The following CABLES1 variants were observed in gnomAD, a reference collection of about 807,000 sequenced individuals.
The protein encoded by CABLES1 is Cdk5 and Abl enzyme substrate 1.
A neutral mutation model predicts 57.8 loss-of-function variants in CABLES1; 36 were observed. The ratio of observed to expected loss-of-function variants is 0.62; its 90% confidence interval spans 0.48 to 0.82. CABLES1 has a LOEUF of 0.82. Among genes scored for constraint, CABLES1 ranks in the 40% least tolerant of loss-of-function variants. CABLES1 has a pLI of 0.00. For missense variants in CABLES1, 767 were observed against 836.6 expected, an observed-to-expected ratio of 0.92 and a Z score of 1.03; for synonymous variants, 374 against 363.0, an observed-to-expected ratio of 1.03 and a Z score of -0.35.
Position 23,162,987 on chromosome 18 carries a change from G to C in CABLES1, c.846-25851G>C, listed in dbSNP as rs369665367. Among the ~76,000 whole-genome samples the C allele has an allele frequency of 1.6e-4, 25 of 152,314 alleles. No individual in the cohort carries two copies. In the South Asian group the frequency reaches 5.2e-3, roughly 32 times the overall value. On this transcript the variant is annotated intron_variant, in intron 1 of 9. Transcript: ENST00000256925. ...GCTGCTCAGGAGACCAGGCAGGAGA[G>C]ACGATGGCAGCTTGGGCTGGTGGGC...
intron 7 of CABLES1, among the ~76,000 whole-genome samples, chr18:23,252,503 C>T (rs550215903): frequency 3.3e-5 from 5 of 152,206 alleles, no homozygotes; most frequent in Non-Finnish European, 4.4e-5. Context: ...GAAGTAGGCA[C>T]TGTTACTGTT....
rs1334898010 is a variant in CABLES1, at chr18:23,248,561, C to T, written c.1447-4399C>T. On this transcript the variant is annotated intron_variant, in intron 7 of 9. Coordinates refer to ENST00000256925, the MANE Select transcript of CABLES1 (RefSeq NM_001100619.3). The stretch of plus-strand genomic sequence containing the variant: ...TTTAAAAAAAGGCTGGACGTGGTGG[C>T]TCATGCCTGTAATCCCAGCACTTTG... 3.0e-5 allele frequency among the ~76,000 whole-genome samples: 4 copies of T among 132,392 alleles called. No individual in the cohort carries two copies. In the South Asian group the frequency reaches 9.8e-4, roughly 33 times the overall value. The allele number at this position is 132,392 out of a possible 152,430, so 86.9% of individuals were successfully genotyped here. A position where few individuals can be genotyped will look rare whatever the true frequency, so the allele number is the denominator to read the frequency against.
At chr18:23,235,856 G>A in intron 5 of CABLES1, 39 bp from the exon 6 acceptor site, 1 of 1,601,718 alleles carries the variant, frequency 6.2e-7, no homozygotes, top group Non-Finnish European at 8.5e-7. Context: ...AGCAATGCCT[G>A]GGAATAATCA....
intron 2 of CABLES1, among the ~76,000 whole-genome samples, chr18:23,191,638 A>G (rs1318347041): frequency 1.3e-5 from 2 of 152,222 alleles, no homozygotes; most frequent in Non-Finnish European, 2.9e-5. Context: ...AATTAAGTAT[A>G]TCCTGTAATC....
At chr18:23,165,022 C>A (rs2047032122) in intron 1 of CABLES1, among the ~76,000 whole-genome samples, 1 of 152,152 alleles carries the variant, frequency 6.6e-6, no homozygotes, top group Admixed American at 6.5e-5. Context: ...ATCTGCCCAC[C>A]TCAGCCTCCC....
intron 7 of CABLES1, among the ~76,000 whole-genome samples, chr18:23,243,872 CAAAAAA>C (rs34013091): frequency 4.6e-5 from 5 of 109,882 alleles, no homozygotes; most frequent in African/African-American, 1.5e-4. Flanking sequence ...GACTCCGTTT[CAAAAAA>C]AAAAAAAAAA....
rs553042453 is a variant in CABLES1 at position 23,169,175 on chromosome 18, A to G, written c.846-19663A>G. 5.1e-4 allele frequency among the ~76,000 whole-genome samples: 78 copies of G among 152,308 alleles called. 1 individual carries two copies. The highest frequency in any genetic ancestry group is 1.8e-3 in the African/African-American group (75 of 41,556). ...TGGCAACGTCAGGAAGTTACCCTAT[A>G]TGGTCTAAAAGGGGAGGCATGAATA... On this transcript the variant is annotated intron_variant, in intron 1 of 9. Transcript: ENST00000256925.
At chr18:23,194,682 A>G (rs1475404619) in intron 3 of CABLES1, 142 bp downstream of exon 3, 1 of 616,584 alleles carries the variant, frequency 1.6e-6, no homozygotes, top group African/African-American at 1.8e-5. Context: ...ACCTTCCCCG[A>G]CAATTTCCAC....
At chr18:23,219,697 A>G (rs2047471995) in intron 4 of CABLES1, among the ~76,000 whole-genome samples, 1 of 152,174 alleles carries the variant, frequency 6.6e-6, no homozygotes, top group Non-Finnish European at 1.5e-5. Context: ...CCCCTCATCT[A>G]TAAAATGGGG....
chr18:23,154,742 C>G (rs960864037), intron 1 of CABLES1, among the ~76,000 whole-genome samples: 1 of 152,182 alleles, frequency 6.6e-6, no homozygotes, highest in Admixed American at 6.5e-5. Flanking sequence ...TCCCTTCTAA[C>G]GGAAGCCCAT....
At chr18:23,163,424 T>C (rs2047018706) in intron 1 of CABLES1, among the ~76,000 whole-genome samples, 1 of 151,976 alleles carries the variant, frequency 6.6e-6, no homozygotes, top group South Asian at 2.1e-4. Context: ...ATGAGAAAAG[T>C]CCAACCTGGA....
At position 23,184,964 on chromosome 18, in the gene CABLES1, A is replaced by G. The variant is rs117844603; in HGVS notation, c.846-3874A>G. 4.3e-4 allele frequency among the ~76,000 whole-genome samples: 65 copies of G among 152,244 alleles called. No homozygotes were observed. In the East Asian group the frequency reaches 0.012, roughly 28 times the overall value. ...ACAGACCCCACCACCTCATACTATC[A>G]CAGTGGGGGTTATGATTTCAACACG... On this transcript the variant is annotated intron_variant, in intron 1 of 9. Coordinates refer to ENST00000256925, the MANE Select transcript of CABLES1 (RefSeq NM_001100619.3).
chr18:23,180,423 T>G (rs987284111), intron 1 of CABLES1, among the ~76,000 whole-genome samples: 1 of 152,172 alleles, frequency 6.6e-6, no homozygotes, highest in Non-Finnish European at 1.5e-5. Context: ...AATAGGGTGA[T>G]GGAGGGGCAT....
At chr18:23,218,063 C>T (rs1234603792) in intron 4 of CABLES1, among the ~76,000 whole-genome samples, 1 of 152,226 alleles carries the variant, frequency 6.6e-6, no homozygotes, top group Non-Finnish European at 1.5e-5. Context: ...ACACCCCCGC[C>T]ACCCCACCGA....
intron 7 of CABLES1, among the ~76,000 whole-genome samples, chr18:23,237,903 G>T (rs2047643175): frequency 6.6e-6 from 1 of 151,160 alleles, no homozygotes; most frequent in Non-Finnish European, 1.5e-5. Context: ...CCTGACTCTT[G>T]CGGCAAGCAG....
rs766367851 is a variant in CABLES1, at chr18:23,136,399, G to A, written c.637G>A (p.Ala213Thr). ...AGQEELEEDD[A>T]FISVQVPAAA... is the part of the protein sequence containing the mutation. ...GCAGGAGGAGTTGGAGGAGGACGATGCCTTTATCAGCGTGCAGGTGCCGGC... is the reference window on the plus strand; with the variant it reads ...GCAGGAGGAGTTGGAGGAGGACGATACCTTTATCAGCGTGCAGGTGCCGGC... The change falls in exon 1 of 10, where the codon GCC (alanine) becomes ACC (threonine). Residue 213 changes from alanine to threonine, a missense_variant. Ala to Thr is a moderately conservative substitution (Grantham distance 58). Coordinates refer to ENST00000256925, the MANE Select transcript of CABLES1 (RefSeq NM_001100619.3). 5.7e-6 allele frequency: 9 copies of A among 1,589,490 alleles called. No individual in the cohort carries two copies. The highest frequency in any genetic ancestry group is 2.4e-5 in the East Asian group (1 of 42,466).
chr18:23,223,324 A>T (rs2047503183), intron 4 of CABLES1, among the ~76,000 whole-genome samples: 1 of 152,142 alleles, frequency 6.6e-6, no homozygotes, highest in South Asian at 2.1e-4. Context: ...TCACACCTGT[A>T]ATCCCAGCAC....
chr18:23,171,819 C>A (rs2047084590), intron 1 of CABLES1, among the ~76,000 whole-genome samples: 1 of 152,224 alleles, frequency 6.6e-6, no homozygotes, highest in South Asian at 2.1e-4. Context: ...CCAAACCAGG[C>A]AGCTCAGAGC....
chr18:23,223,141 G>A (rs995539971), intron 4 of CABLES1, among the ~76,000 whole-genome samples: 1 of 152,134 alleles, frequency 6.6e-6, no homozygotes, highest in East Asian at 1.9e-4. Flanking sequence ...GAATTCCCTG[G>A]CTTTTGGCTG....
Sources: allele counts gnomAD v4.1 joint callset (sites outside exome capture counted in the v4.1 genomes callset), GRCh38; gene constraint gnomAD v4.1.1; transcripts MANE v1.5; gene names NCBI Gene and HGNC (gene_info 2026-07-23, HGNC 2026-07-21).